Variants in CDH13 observed in about 807,000 individuals in gnomAD.
CDH13 encodes cadherin-13.
Under a neutral mutation model 63.8 loss-of-function variants are expected in CDH13, and 24 were observed. The observed-to-expected ratio is 0.38, with a 90% CI of 0.27 to 0.53. The LOEUF is 0.53. CDH13 is among the 20% of genes least tolerant of loss of function. The pLI is 0.85. For synonymous variants in CDH13, 503 were observed against 355.3 expected (o/e 1.42, Z -4.67); for missense variants, 1,049 against 903.1 (o/e 1.16, Z -2.07).
At chr16:83,115,362 T>C (rs1042547277) in intron 3 of CDH13, among the ~76,000 whole-genome samples, 1 of 152,200 alleles carries the variant, frequency 6.6e-6, no homozygotes, top group Non-Finnish European at 1.5e-5. Context: ...ACTCAATAAA[T>C]GGCAGTATTT....
intron 6 of CDH13, chr16:83,383,060 C>T (rs944588967): frequency 2.0e-5 from 3 of 152,180 alleles, no homozygotes; most frequent in African/African-American, 7.2e-5. Context: ...TGCAGTCTGC[C>T]CCAGTTTGGA....
intron 5 of CDH13, among the ~76,000 whole-genome samples, chr16:83,242,289 C>T (rs560091369): frequency 5.3e-5 from 8 of 152,302 alleles, no homozygotes; most frequent in African/African-American, 1.2e-4. Flanking sequence ...AGATTTTGCT[C>T]TCTTGAACCA....
intron 3 of CDH13, among the ~76,000 whole-genome samples, chr16:83,109,283 C>G (rs781242816): frequency 4.6e-5 from 7 of 151,996 alleles, no homozygotes; most frequent in Non-Finnish European, 7.3e-5. Context: ...GGCAACCGCT[C>G]GTGAGTGCAG....
chr16:82,726,921 C>G (rs1179335208), intron 1 of CDH13, among the ~76,000 whole-genome samples: 1 of 152,164 alleles, frequency 6.6e-6, no homozygotes, highest in Non-Finnish European at 1.5e-5. Flanking sequence ...AGAGTTAGAC[C>G]ATGACTTACT....
At chr16:82,676,181 C>CT (rs1335771701) in intron 1 of CDH13, among the ~76,000 whole-genome samples, 2 of 152,298 alleles carry the variant, frequency 1.3e-5, no homozygotes, top group East Asian at 3.9e-4. Flanking sequence ...TATATTTGGT[C>CT]TTTCGGTTTA....
At chr16:83,001,765 A>G (rs72794155) in intron 2 of CDH13, among the ~76,000 whole-genome samples, 24,226 of 152,192 alleles carry the variant, frequency 0.16, 2,344 homozygotes, top group African/African-American at 0.26. Context: ...GTGCATGTCA[A>G]TGAGTCCTGT....
In CDH13 at chr16:83,728,798, G is replaced by C. The variant is rs977825537; in HGVS notation, c.1539-19310G>C. 2.0e-5 allele frequency: 3 copies of C among 152,320 alleles called. No homozygotes were observed. In the East Asian group the frequency reaches 5.8e-4, roughly 29 times the overall value. 9.4% of individuals were successfully genotyped at this position (152,320 alleles called of 1,614,324 possible). A position where few individuals can be genotyped will look rare whatever the true frequency, so the allele number is the denominator to read the frequency against. On this transcript the variant is annotated intron_variant, in intron 10 of 13. Transcript: ENST00000567109. Reference sequence around the variant, plus strand: ...TTCAACCTAATATTTAGATAGTATTGTCTTAGCTCAGGCTGCCATAACCAA... The same window carrying C: ...TTCAACCTAATATTTAGATAGTATTCTCTTAGCTCAGGCTGCCATAACCAA...
chr16:83,176,563 T>G (rs1597468514), intron 4 of CDH13, among the ~76,000 whole-genome samples: 2 of 147,000 alleles, frequency 1.4e-5, no homozygotes, highest in Admixed American at 6.8e-5. Context: ...GTTCTATAGG[T>G]GTTTTTAGTG....
intron 10 of CDH13, among the ~76,000 whole-genome samples, chr16:83,716,725 G>A (rs552185894): frequency 7.1e-4 from 108 of 152,176 alleles, no homozygotes; most frequent in Middle Eastern, 3.4e-3. Flanking sequence ...CTCATGATCC[G>A]CCCTCCTCAG....
intron 4 of CDH13, among the ~76,000 whole-genome samples, chr16:83,198,590 A>G (rs2151763196): frequency 6.6e-6 from 1 of 152,334 alleles, no homozygotes; most frequent in South Asian, 2.1e-4. Flanking sequence ...CAAAATAATG[A>G]GAAAGGGACT....
intron 7 of CDH13, among the ~76,000 whole-genome samples, chr16:83,523,251 C>T (rs2074881880): frequency 6.6e-6 from 1 of 152,270 alleles, no homozygotes; most frequent in East Asian, 1.9e-4. Flanking sequence ...TAGCATTGTG[C>T]CTGTCATGTC....
At chr16:83,099,035 G>A (rs1254791137) in intron 3 of CDH13, among the ~76,000 whole-genome samples, 1 of 151,462 alleles carries the variant, frequency 6.6e-6, no homozygotes, top group African/African-American at 2.4e-5. Context: ...TATGTGTGTG[G>A]GTGTGTATGT....
At chr16:83,706,892 G>C (rs553916050) in intron 10 of CDH13, among the ~76,000 whole-genome samples, 60 of 149,586 alleles carry the variant, frequency 4.0e-4, no homozygotes, top group African/African-American at 1.3e-3. Context: ...TACGCTCCCA[G>C]CATATTAAGT....
intron 7 of CDH13, among the ~76,000 whole-genome samples, chr16:83,544,583 A>T (rs1000877495): frequency 6.6e-6 from 1 of 152,206 alleles, no homozygotes; most frequent in Admixed American, 6.5e-5. Context: ...GATTCATCCC[A>T]ACATCACAAG....
chr16:83,618,431 A>G lies in CDH13; in HGVS notation c.1101+15837A>G, dbSNP rs184149747. Among the ~76,000 whole-genome samples, 69 of 152,072 alleles carry G rather than the reference A, an allele frequency of 4.5e-4. No homozygotes were observed. In the East Asian group the frequency reaches 9.8e-3, roughly 22 times the overall value. On this transcript the variant is annotated intron_variant, in intron 8 of 13. Coordinates refer to ENST00000567109, the MANE Select transcript of CDH13 (RefSeq NM_001257.5). ...CAGAGAGAGACTCCAAAAAAAAAAA[A>G]AAAGAAAAAGAAAAGCACTAGGAAG... is the stretch of plus-strand genomic sequence containing the variant.
intron 2 of CDH13, among the ~76,000 whole-genome samples, chr16:82,929,819 C>G (rs2042427438): frequency 2.0e-5 from 3 of 151,848 alleles, no homozygotes; most frequent in Admixed American, 6.6e-5. Context: ...TCAATCATAT[C>G]CTGTTACAGC....
intron 5 of CDH13, among the ~76,000 whole-genome samples, chr16:83,299,780 G>T (rs922424212): frequency 6.6e-6 from 1 of 152,172 alleles, no homozygotes; most frequent in Non-Finnish European, 1.5e-5. Context: ...AGTTATTGCA[G>T]CATAACACTT....
chr16:83,747,973 TA>T, intron 10 of CDH13, 134 bp from the exon 11 acceptor site: 1 of 907,288 alleles, frequency 1.1e-6, no homozygotes, highest in Non-Finnish European at 1.8e-6. Context: ...TGAGCAACTG[TA>T]ACAGAAATGA....
intron 1 of CDH13, among the ~76,000 whole-genome samples, chr16:82,781,848 T>A (rs2035769754): frequency 6.6e-6 from 1 of 152,202 alleles, no homozygotes; most frequent in Admixed American, 6.5e-5. Context: ...CGGGAGTATA[T>A]GTAAACCAAA....
Sources: gnomAD v4.1 joint callset for allele counts (sites outside exome capture counted in the v4.1 genomes callset) on GRCh38, gnomAD v4.1.1 for gene constraint, MANE v1.5 for transcripts, NCBI Gene and HGNC (gene_info 2026-07-23, HGNC 2026-07-21) for gene names.